CEP152: variants seen among roughly 807,000 people sequenced by gnomAD.
CEP152 encodes centrosomal protein 152.
Under a neutral mutation model 188.9 loss-of-function variants are expected in CEP152, and 132 were observed. That is an observed-to-expected ratio of 0.70 (90% CI 0.61 to 0.81). The LOEUF (loss-of-function observed/expected upper bound fraction) is 0.81. Ranked by LOEUF, CEP152 falls within the 30% of genes least tolerant of loss-of-function variation. The pLI is 0.00. For synonymous variants in CEP152, 649 were observed against 666.6 expected, an observed-to-expected ratio of 0.97 and a Z score of 0.41; for missense variants, 1,914 against 1,969.8, an observed-to-expected ratio of 0.97 and a Z score of 0.54.
rs1195043288 is a variant in CEP152, at chr15:48,749,678, T to TA, written c.3467-1069dup. Among the ~76,000 whole-genome samples the TA allele has an allele frequency of 6.6e-5, 10 of 150,588 alleles. 1 individual carries two copies. Among genetic ancestry groups the TA allele is most frequent in the South Asian group, 4.2e-4 (2 of 4,754 alleles). On this transcript the variant is annotated intron_variant, in intron 21 of 26. Transcript: ENST00000380950. Reference sequence around the variant, plus strand: ...AAACCCCAAATGAGAAAAGTTCTGTTAAAAAAAAATGAAGGTGGAAGCAGA... The same window carrying TA: ...AAACCCCAAATGAGAAAAGTTCTGTTAAAAAAAAAATGAAGGTGGAAGCAGA...
In CEP152 at chr15:48,781,286, T is replaced by A; in HGVS notation, c.1487A>T (p.Asp496Val). The change falls in exon 12 of 27, where the codon GAC (aspartate) becomes GTC (valine). Residue 496 changes from aspartate to valine, a missense_variant. Coordinates refer to ENST00000380950, the MANE Select transcript of CEP152 (RefSeq NM_001194998.2). The stretch of plus-strand genomic sequence containing the variant: ...TTCTATATTTAATTCTCCTTCTGAG[T>A]CACTTGGATGTATTCCTAGTTTTGC... ...SAAKLGIHPSDSEGELNIELT... is the reference protein window; with the variant it reads ...SAAKLGIHPSVSEGELNIELT... 1 of 1,612,930 alleles carries A rather than the reference T, an allele frequency of 6.2e-7. No homozygotes were observed. Among genetic ancestry groups the A allele is most frequent in the Non-Finnish European group, 8.5e-7 (1 of 1,179,142 alleles).
At chr15:48,780,380 T>C (rs2140833223) in intron 12 of CEP152, among the ~76,000 whole-genome samples, 1 of 152,308 alleles carries the variant, frequency 6.6e-6, no homozygotes, top group Non-Finnish European at 1.5e-5. Flanking sequence ...TAAAATGAGA[T>C]CACAGTCTCA....
rs769755378 is a variant in CEP152 at position 48,783,986 on chromosome 15, G to A, written c.1308C>T (p.His436=). 1.2e-6 allele frequency: 2 copies of A among 1,613,746 alleles called. No homozygotes were observed. Among genetic ancestry groups the A allele is most frequent in the South Asian group, 2.2e-5 (2 of 91,064 alleles). ...SLEESQKQCA[H]LLQSGSVQEV... ...CCAGACACCTACCGGACTGCAACAA[G>A]TGGGCACACTGCTTTTGACTCTCCT... The change falls in exon 10 of 27, where the codon CAC becomes CAT. Residue 436 remains histidine, a synonymous_variant. Coordinates refer to ENST00000380950, the MANE Select transcript of CEP152 (RefSeq NM_001194998.2).
At chr15:48,788,500 ATTT>A (rs879363516) in intron 9 of CEP152, among the ~76,000 whole-genome samples, 1 of 140,300 alleles carries the variant, frequency 7.1e-6, no homozygotes, top group Non-Finnish European at 1.6e-5. Flanking sequence ...CGCCCGGCTA[ATTT>A]TTTTTTTTTT....
chr15:48,768,426 C>T, intron 14 of CEP152, 98 bp from the exon 15 acceptor site: 1 of 706,708 alleles, frequency 1.4e-6, no homozygotes, highest in Admixed American at 2.3e-5. Context: ...TGCTTTCTCT[C>T]TCCCCTATAA....
At chr15:48,741,062 A>G (rs921076724) in intron 26 of CEP152, 7 of 988,560 alleles carry the variant, frequency 7.1e-6, no homozygotes, top group Middle Eastern at 5.2e-4. Flanking sequence ...TGAGGTTTCC[A>G]TCTTCCATCC....
intron 2 of CEP152, among the ~76,000 whole-genome samples, chr15:48,730,335 T>C (rs1334399547): frequency 6.6e-6 from 1 of 152,194 alleles, no homozygotes; most frequent in African/African-American, 2.4e-5. Flanking sequence ...GGAAGATGCA[T>C]AGCTCCGCTA....
At position 48,799,426 on chromosome 15, in the gene CEP152, G is replaced by A. The variant is rs964032080; in HGVS notation, c.88-1375C>T. ...TGGGAACAGAGTATGTTGGAGGTGGGTGGGAATACTTCCTCACTCTATATT... is the reference window on the plus strand; with the variant it reads ...TGGGAACAGAGTATGTTGGAGGTGGATGGGAATACTTCCTCACTCTATATT... On this transcript the variant is annotated intron_variant, in intron 2 of 26. Coordinates refer to ENST00000380950, the MANE Select transcript of CEP152 (RefSeq NM_001194998.2). Among the ~76,000 whole-genome samples the A allele has an allele frequency of 2.0e-5, 3 of 152,136 alleles. No homozygotes were observed. The South Asian group carries it at 6.2e-4, about 32-fold the overall frequency.
chr15:48,797,587 A>G lies in CEP152; in HGVS notation c.262-8T>C. The G allele has an allele frequency of 6.2e-7, 1 of 1,614,088 alleles. No homozygotes were observed. The highest frequency in any genetic ancestry group is 1.3e-5 in the African/African-American group (1 of 75,056). On this transcript the variant is annotated splice_polypyrimidine_tract_variant and splice_region_variant and intron_variant, in intron 4 of 26. Transcript: ENST00000380950. ...CTGAATTTCATTATAGCCCTATTAG[A>G]TAACAAGAGTAAAACAAAAGCACGA...
chr15:48,792,718 A>T (rs1297204342), intron 7 of CEP152, among the ~76,000 whole-genome samples: 3 of 152,290 alleles, frequency 2.0e-5, no homozygotes, highest in African/African-American at 7.2e-5. Context: ...GGAATCAACA[A>T]CTTTTTAGGA....
Position 48,767,477 on chromosome 15 carries a change from G to A in CEP152, c.2019-14C>T, listed in dbSNP as rs371650189. The A allele has an allele frequency of 5.1e-5, 83 of 1,613,970 alleles. 1 individual carries two copies. Among genetic ancestry groups the A allele is most frequent in the South Asian group, 3.0e-4 (27 of 91,076 alleles). On this transcript the variant is annotated splice_polypyrimidine_tract_variant and intron_variant, in intron 15 of 26. Coordinates refer to ENST00000380950, the MANE Select transcript of CEP152 (RefSeq NM_001194998.2). Reference sequence around the variant, plus strand: ...GTCCTTTCACACCTGGAAACAGAGCGGAATCAAAGGCAATGCCCAGTCTCA... The same window carrying A: ...GTCCTTTCACACCTGGAAACAGAGCAGAATCAAAGGCAATGCCCAGTCTCA...
chr15:48,799,064 C>T (rs1008832447), intron 2 of CEP152, among the ~76,000 whole-genome samples: 1 of 152,050 alleles, frequency 6.6e-6, no homozygotes, highest in African/African-American at 2.4e-5. Context: ...GTTTAATTGA[C>T]AGCTTGATTA....
chr15:48,784,310 C>A (rs991059981), intron 9 of CEP152, among the ~76,000 whole-genome samples, 190 bp from the exon 10 acceptor site: 1 of 152,164 alleles, frequency 6.6e-6, no homozygotes, highest in African/African-American at 2.4e-5. Flanking sequence ...ACTCTTCAGT[C>A]TGTTTCTTCT....
At position 48,748,437 on chromosome 15, in the gene CEP152, G is replaced by A; in HGVS notation, c.3634+6C>T. ...TATTGGTAGCAGTGCTACTTTAAAT[G>A]CTAACCTCCAATTTTTTCCACTACA... On this transcript the variant is annotated splice_donor_region_variant and intron_variant, in intron 22 of 26. Coordinates refer to ENST00000380950, the MANE Select transcript of CEP152 (RefSeq NM_001194998.2). 1 of 1,526,484 alleles carries A rather than the reference G, an allele frequency of 6.6e-7. No individual in the cohort carries two copies. Among genetic ancestry groups the A allele is most frequent in the Non-Finnish European group, 8.7e-7 (1 of 1,142,934 alleles). The allele number at this position is 1,526,484 out of a possible 1,614,324, so 94.6% of individuals were successfully genotyped here.
At chr15:48,786,170 A>C (rs1896620522) in intron 9 of CEP152, among the ~76,000 whole-genome samples, 1 of 152,232 alleles carries the variant, frequency 6.6e-6, no homozygotes. Context: ...TCAAGGAGAC[A>C]GAAGGAAAAA....
chr15:48,766,788 T>C (rs1176345558), intron 17 of CEP152, among the ~76,000 whole-genome samples: 1 of 129,392 alleles, frequency 7.7e-6, no homozygotes, highest in East Asian at 2.0e-4. Flanking sequence ...ACACTGATCC[T>C]TTTTTTTTTT....
intron 1 of CEP152, among the ~76,000 whole-genome samples, chr15:48,807,501 G>A (rs923093911): frequency 6.6e-6 from 1 of 150,936 alleles, no homozygotes; most frequent in Non-Finnish European, 1.5e-5. Context: ...CTTGCAGTGA[G>A]CCGAGATTGC....
At position 48,804,493 on chromosome 15, in the gene CEP152, G is replaced by A. The variant is rs78464046; in HGVS notation, c.87+1070C>T. On this transcript the variant is annotated intron_variant, in intron 2 of 26. Coordinates refer to ENST00000380950, the MANE Select transcript of CEP152 (RefSeq NM_001194998.2). ...ATGGGTCATATAAAAAATAGCGTCAGGACAAAAGAAGCCTTTTATCACAGA... is the reference window on the plus strand; with the variant it reads ...ATGGGTCATATAAAAAATAGCGTCAAGACAAAAGAAGCCTTTTATCACAGA... Among the ~76,000 whole-genome samples the A allele has an allele frequency of 2.8e-3, 424 of 152,202 alleles. 1 individual carries two copies. Among genetic ancestry groups the A allele is most frequent in the Non-Finnish European group, 4.9e-3 (331 of 68,016 alleles).
At chr15:48,803,529 T>G (rs1272027955) in intron 2 of CEP152, among the ~76,000 whole-genome samples, 1 of 152,144 alleles carries the variant, frequency 6.6e-6, no homozygotes, top group East Asian at 1.9e-4. Flanking sequence ...TAACATGAAG[T>G]TTTTTACAAA....
Sources: gnomAD v4.1 joint callset for allele counts (sites outside exome capture counted in the v4.1 genomes callset) on GRCh38, gnomAD v4.1.1 for gene constraint, MANE v1.5 for transcripts, NCBI Gene and HGNC (gene_info 2026-07-23, HGNC 2026-07-21) for gene names.